The following PAPOLA variants were observed in gnomAD, a reference collection of about 807,000 sequenced individuals.
The protein encoded by PAPOLA is poly(A) polymerase alpha.
PAPOLA carries 15 observed loss-of-function variants against 100.6 expected under a neutral mutation model. The ratio of observed to expected loss-of-function variants is 0.15; its 90% CI spans 0.10 to 0.23. The LOEUF (loss-of-function observed/expected upper bound fraction) is 0.23. Ranked by LOEUF, PAPOLA falls within the 10% of genes least tolerant of loss-of-function variation. The pLI is 1.00. For missense variants in PAPOLA, 533 were observed against 884.2 expected (o/e 0.60, Z 5.04); for synonymous variants, 293 against 300.0 (o/e 0.98, Z 0.24).
intron 19 of PAPOLA, among the ~76,000 whole-genome samples, chr14:96,557,337 A>G (rs775048492): frequency 2.6e-5 from 4 of 152,248 alleles, no homozygotes; most frequent in African/African-American, 4.8e-5. Flanking sequence ...AGGAACCACT[A>G]TGCTTTGCAA....
chr14:96,505,972 C>G (rs1430828819), intron 1 of PAPOLA, among the ~76,000 whole-genome samples: 2 of 152,078 alleles, frequency 1.3e-5, no homozygotes, highest in African/African-American at 4.8e-5. Flanking sequence ...GGAGCGATCT[C>G]GGCTCACTGC....
At chr14:96,554,096 A>T (rs1901088946) in intron 17 of PAPOLA, among the ~76,000 whole-genome samples, 1 of 152,174 alleles carries the variant, frequency 6.6e-6, no homozygotes, top group Non-Finnish European at 1.5e-5. Flanking sequence ...GTGCACAAAT[A>T]TAAAATGTGT....
intron 1 of PAPOLA, among the ~76,000 whole-genome samples, chr14:96,516,656 G>A (rs1024012016): frequency 6.6e-6 from 1 of 152,114 alleles, no homozygotes; most frequent in African/African-American, 2.4e-5. Flanking sequence ...ATTCTTTCTT[G>A]AATTAGATGG....
chr14:96,548,405 T>A (rs1900563500), intron 16 of PAPOLA, among the ~76,000 whole-genome samples: 1 of 152,162 alleles, frequency 6.6e-6, no homozygotes, highest in Non-Finnish European at 1.5e-5. Context: ...GTCACTGAGT[T>A]AATATTTTGC....
At chr14:96,523,915 G>A (rs1404168728) in intron 3 of PAPOLA, among the ~76,000 whole-genome samples, 1 of 150,804 alleles carries the variant, frequency 6.6e-6, no homozygotes, top group African/African-American at 2.4e-5. Context: ...TTGCACTGCA[G>A]CCTGGGTGAC....
chr14:96,563,205 G>A (rs1902009158), intron 21 of PAPOLA, among the ~76,000 whole-genome samples: 1 of 152,116 alleles, frequency 6.6e-6, no homozygotes, highest in Non-Finnish European at 1.5e-5. Flanking sequence ...GGTCAAAAGT[G>A]AAATTAAAAC....
chr14:96,562,925 TA>T (rs1901983126), intron 21 of PAPOLA, 32 bp downstream of exon 21: 2 of 1,273,010 alleles, frequency 1.6e-6, no homozygotes, highest in Non-Finnish European at 2.3e-6. Context: ...GAGAATTTTG[TA>T]AATGTCCTTA....
chr14:96,558,054 G>A (rs752790275), intron 19 of PAPOLA, among the ~76,000 whole-genome samples: 1 of 152,108 alleles, frequency 6.6e-6, no homozygotes, highest in Non-Finnish European at 1.5e-5. Context: ...TCATAACTTA[G>A]AAGATGTGTT....
At chr14:96,536,518 T>C (rs916909630) in intron 11 of PAPOLA, among the ~76,000 whole-genome samples, 3 of 152,236 alleles carry the variant, frequency 2.0e-5, no homozygotes, top group African/African-American at 7.2e-5. Flanking sequence ...ATAGAATCAG[T>C]TGTCTGACTA....
intron 8 of PAPOLA, 23 bp downstream of exon 8, chr14:96,532,443 A>G: frequency 1.2e-6 from 2 of 1,606,042 alleles, no homozygotes; most frequent in Non-Finnish European, 1.7e-6. Flanking sequence ...TTTGTTGGCT[A>G]GCTTATTAAA....
At chr14:96,536,178 C>CA (rs1247551380) in intron 11 of PAPOLA, among the ~76,000 whole-genome samples, 179 bp downstream of exon 11, 2 of 152,052 alleles carry the variant, frequency 1.3e-5, no homozygotes, top group African/African-American at 4.8e-5. Flanking sequence ...TCCTTTTAGG[C>CA]AATTTGTTTT....
At chr14:96,516,372 C>T (rs992576980) in intron 1 of PAPOLA, among the ~76,000 whole-genome samples, 5 of 151,040 alleles carry the variant, frequency 3.3e-5, no homozygotes, top group African/African-American at 1.2e-4. Context: ...CTCATTCTCT[C>T]CCTCTCTTTC....
chr14:96,564,766 C>A (rs1322334043), intron 21 of PAPOLA, among the ~76,000 whole-genome samples, 189 bp from the exon 22 acceptor site: 1 of 151,922 alleles, frequency 6.6e-6, no homozygotes, highest in Non-Finnish European at 1.5e-5. Context: ...CTTTGTTGAA[C>A]ACATTATTTG....
chr14:96,507,500 C>A (rs1331563560), intron 1 of PAPOLA, among the ~76,000 whole-genome samples: 1 of 151,908 alleles, frequency 6.6e-6, no homozygotes, highest in Non-Finnish European at 1.5e-5. Context: ...TGGTCTCGAT[C>A]TCCTGACCTC....
chr14:96,556,550 G>A (rs930914165), intron 19 of PAPOLA, 137 bp downstream of exon 19: 1 of 686,384 alleles, frequency 1.5e-6, no homozygotes, highest in Non-Finnish European at 2.6e-6. Context: ...AGGTGTGTCT[G>A]TAGTGCTTTA....
At chr14:96,532,917 A>T (rs1033343302) in intron 9 of PAPOLA, 7 of 1,127,552 alleles carry the variant, frequency 6.2e-6, no homozygotes, top group Non-Finnish European at 6.5e-6. Flanking sequence ...AGCAGCTAAG[A>T]TCCAATTTAT....
chr14:96,539,163 A>G (rs932843809), intron 12 of PAPOLA, among the ~76,000 whole-genome samples: 3 of 150,666 alleles, frequency 2.0e-5, no homozygotes, highest in Non-Finnish European at 2.9e-5. Context: ...AAATGTGAAT[A>G]CTTACTTCAG....
At chr14:96,543,993 G>A (rs1384699568) in intron 14 of PAPOLA, among the ~76,000 whole-genome samples, 156 bp from the exon 15 acceptor site, 3 of 152,022 alleles carry the variant, frequency 2.0e-5, no homozygotes, top group Non-Finnish European at 2.9e-5. Flanking sequence ...ACAGGTGTGG[G>A]TGAGGACTTT....
intron 1 of PAPOLA, among the ~76,000 whole-genome samples, chr14:96,519,095 CT>C (rs75219128): frequency 1.3e-3 from 192 of 143,154 alleles, no homozygotes; most frequent in Admixed American, 2.1e-3. Flanking sequence ...GTAAAATACA[CT>C]TTTTTTTTTT....
Sources: gnomAD v4.1 joint callset for allele counts (sites outside exome capture counted in the v4.1 genomes callset) on GRCh38, gnomAD v4.1.1 for gene constraint, MANE v1.5 for transcripts, NCBI Gene and HGNC (gene_info 2026-07-23, HGNC 2026-07-21) for gene names.